The following SLC35F3 variants were observed in gnomAD, a reference collection of about 807,000 sequenced individuals.
SLC35F3 encodes the protein putative thiamine transporter SLC35F3.
A neutral mutation model predicts 49.9 loss-of-function variants in SLC35F3; 25 were observed. The observed-to-expected ratio is 0.50, with a 90% confidence interval of 0.37 to 0.70. The LOEUF is 0.70. Among genes scored for constraint, SLC35F3 ranks in the 30% least tolerant of loss-of-function variants. SLC35F3 has a pLI of 0.00. For synonymous variants in SLC35F3, 275 were observed against 265.4 expected (o/e 1.04, Z -0.35); for missense variants, 525 against 639.8 (o/e 0.82, Z 1.94).
chr1:234,195,563 C>G (rs983417588), intron 2 of SLC35F3, among the ~76,000 whole-genome samples: 2 of 152,116 alleles, frequency 1.3e-5, no homozygotes, highest in Non-Finnish European at 2.9e-5. Flanking sequence ...GCCCTTCTCC[C>G]CACTCTTTAA....
chr1:234,290,392 A>G (rs1033478721), intron 3 of SLC35F3, among the ~76,000 whole-genome samples: 1 of 152,258 alleles, frequency 6.6e-6, no homozygotes, highest in Non-Finnish European at 1.5e-5. Flanking sequence ...TGAATAAAAT[A>G]TATCAGACTG....
At chr1:233,935,773 A>G (rs1381409637) in intron 2 of SLC35F3, among the ~76,000 whole-genome samples, 1 of 152,204 alleles carries the variant, frequency 6.6e-6, no homozygotes, top group Non-Finnish European at 1.5e-5. Flanking sequence ...TGCCTGAGAC[A>G]TCCACCTATT....
At chr1:234,318,619 T>C (rs917381944) in intron 5 of SLC35F3, 132 bp from the exon 6 acceptor site, 2 of 739,682 alleles carry the variant, frequency 2.7e-6, no homozygotes, top group South Asian at 2.0e-5. Flanking sequence ...CCAAACCCCA[T>C]GGAATTCACC....
intron 3 of SLC35F3, among the ~76,000 whole-genome samples, chr1:234,237,578 A>G (rs554754888): frequency 2.0e-5 from 3 of 152,280 alleles, no homozygotes; most frequent in South Asian, 2.1e-4. Flanking sequence ...AAGCTGATGC[A>G]TTTCTTACCC....
intron 2 of SLC35F3, among the ~76,000 whole-genome samples, chr1:234,165,274 A>C (rs1342996858): frequency 6.6e-6 from 1 of 152,092 alleles, no homozygotes; most frequent in Admixed American, 6.5e-5. Context: ...TCAGCAAAGG[A>C]GTTTATTTAA....
chr1:234,064,539 A>G (rs1042990616), intron 2 of SLC35F3, among the ~76,000 whole-genome samples: 1 of 152,106 alleles, frequency 6.6e-6, no homozygotes, highest in Non-Finnish European at 1.5e-5. Context: ...ACATAACACA[A>G]CTGGAGATGC....
Position 234,323,030 on chromosome 1 carries a change from G to A in SLC35F3, c.1260G>A (p.Gln420=), listed in dbSNP as rs776200248. The A allele has an allele frequency of 1.2e-6, 2 of 1,614,016 alleles. No homozygotes were observed. The highest frequency in any genetic ancestry group is 1.7e-6 in the Non-Finnish European group (2 of 1,180,038). The change falls in exon 8 of 8, where the codon CAG becomes CAA. Residue 420 remains glutamine, a synonymous_variant. Transcript: ENST00000366618. The surrounding 1 kb of genome is among the most constrained non-coding windows in gnomAD (Gnocchi z 4.5). ...CAGTGATTGATCACTACACCAGTCA[G>A]ATCGTCTTCAATGGGGTCCGGGTCA... The part of the protein sequence containing the change: ...VNAVIDHYTS[Q]IVFNGVRVIA...
chr1:234,299,381 A>G (rs1186949457), intron 3 of SLC35F3, among the ~76,000 whole-genome samples: 1 of 152,172 alleles, frequency 6.6e-6, no homozygotes, highest in Non-Finnish European at 1.5e-5. Context: ...GTAAAGGGGG[A>G]AAAACAGAAA....
Position 234,231,043 on chromosome 1 carries a change from CTG to C in SLC35F3, c.284-368_284-367del, listed in dbSNP as rs1412667795. 1.3e-5 allele frequency among the ~76,000 whole-genome samples: 2 copies of C among 152,188 alleles called. No individual in the cohort carries two copies. Reference sequence around the variant, plus strand: ...TGAGAGTGGAGATATTTCAGCTGCTCTGTGTGTTCTGGAGGAGTGTTTCCCAA... The same window carrying C: ...TGAGAGTGGAGATATTTCAGCTGCTCTGTGTTCTGGAGGAGTGTTTCCCAA... On this transcript the variant is annotated intron_variant, in intron 2 of 7. Coordinates refer to ENST00000366618, the MANE Select transcript of SLC35F3 (RefSeq NM_173508.4). The surrounding 1 kb of genome is among the most constrained non-coding windows in gnomAD (Gnocchi z 5.4).
chr1:234,262,843 C>T (rs1014413399), intron 3 of SLC35F3, among the ~76,000 whole-genome samples: 1 of 152,188 alleles, frequency 6.6e-6, no homozygotes, highest in Non-Finnish European at 1.5e-5. Context: ...ATTCAGCTAG[C>T]TTTGGGAAAA....
At chr1:234,239,451 T>C (rs559916064) in intron 3 of SLC35F3, among the ~76,000 whole-genome samples, 4 of 152,292 alleles carry the variant, frequency 2.6e-5, no homozygotes, top group South Asian at 2.1e-4. Flanking sequence ...GATAGGCACA[T>C]TGAAACTTAA....
intron 2 of SLC35F3, among the ~76,000 whole-genome samples, chr1:234,009,355 A>G (rs73100407): frequency 0.042 from 6,419 of 152,278 alleles, 283 homozygotes; most frequent in African/African-American, 0.11. Flanking sequence ...TTCACACTCA[A>G]GTTGATTCAA....
intron 3 of SLC35F3, among the ~76,000 whole-genome samples, chr1:234,286,812 TG>T (rs1354245354): frequency 6.6e-6 from 1 of 152,222 alleles, no homozygotes; most frequent in Non-Finnish European, 1.5e-5. Flanking sequence ...TGTCACGACA[TG>T]ACAAAGGCGG....
chr1:234,195,026 T>C (rs1317744931), intron 2 of SLC35F3, among the ~76,000 whole-genome samples: 2 of 152,180 alleles, frequency 1.3e-5, no homozygotes, highest in Non-Finnish European at 2.9e-5. Context: ...CCCAAGACAC[T>C]TCTTTCTGAG....
At position 234,156,577 on chromosome 1, in the gene SLC35F3, G is replaced by GA. The variant is rs1310037302; in HGVS notation, c.284-74834dup. ...TTCCTCAAAAAGCTACAGTTACTTA[G>GA]AAAAAAGTTTAACTTAGAGAACTCT... On this transcript the variant is annotated intron_variant, in intron 2 of 7. Coordinates refer to ENST00000366618, the MANE Select transcript of SLC35F3 (RefSeq NM_173508.4). 3.9e-5 allele frequency among the ~76,000 whole-genome samples: 6 copies of GA among 152,060 alleles called. No individual in the cohort carries two copies. The East Asian group carries it at 5.8e-4, about 15-fold the overall frequency.
intron 4 of SLC35F3, among the ~76,000 whole-genome samples, chr1:234,313,042 A>AT (rs1173577856): frequency 6.6e-6 from 1 of 151,732 alleles, no homozygotes; most frequent in Admixed American, 6.6e-5. Flanking sequence ...CACCCAGCTA[A>AT]TTTTTTGCAT....
chr1:234,249,934 A>T (rs1353836699), intron 3 of SLC35F3, among the ~76,000 whole-genome samples: 1 of 152,206 alleles, frequency 6.6e-6, no homozygotes, highest in Non-Finnish European at 1.5e-5. Context: ...TTGACTGCAG[A>T]ACTCCTTACT....
intron 2 of SLC35F3, among the ~76,000 whole-genome samples, chr1:234,029,740 T>C (rs1462897223): frequency 6.6e-6 from 1 of 152,180 alleles, no homozygotes; most frequent in Non-Finnish European, 1.5e-5. Flanking sequence ...CACATGCCTA[T>C]GGTGCTGGCT....
At chr1:234,184,795 C>T (rs1239976028) in intron 2 of SLC35F3, among the ~76,000 whole-genome samples, 1 of 152,170 alleles carries the variant, frequency 6.6e-6, no homozygotes, top group African/African-American at 2.4e-5. Flanking sequence ...CTACCACACA[C>T]GTGACATTGT....
Sources: allele counts gnomAD v4.1 joint callset (sites outside exome capture counted in the v4.1 genomes callset), GRCh38; gene constraint gnomAD v4.1.1; non-coding constraint Gnocchi (gnomAD v3.1); transcripts MANE v1.5; gene names NCBI Gene and HGNC (gene_info 2026-07-23, HGNC 2026-07-21).